Variants in PLEKHA6 observed in about 807,000 individuals in gnomAD.
PLEKHA6 encodes pleckstrin homology domain-containing family A member 6.
Under a neutral mutation model 116.7 loss-of-function variants are expected in PLEKHA6, and 60 were observed. That is an observed-to-expected ratio of 0.51 (90% CI 0.42 to 0.64). The LOEUF (loss-of-function observed/expected upper bound fraction) is 0.64, where lower values mean the gene tolerates loss of function less well. Ranked by LOEUF, PLEKHA6 falls within the 30% of genes least tolerant of loss-of-function variation. PLEKHA6 has a pLI of 0.00. For missense variants in PLEKHA6, 1,338 were observed against 1,422.7 expected, an observed-to-expected ratio of 0.94 and a Z score of 0.96; for synonymous variants, 489 against 556.1, an observed-to-expected ratio of 0.88 and a Z score of 1.70.
At chr1:204,283,395 C>A (rs1558135334) in intron 1 of PLEKHA6, among the ~76,000 whole-genome samples, 2 of 152,176 alleles carry the variant, frequency 1.3e-5, no homozygotes, top group Non-Finnish European at 2.9e-5. Flanking sequence ...GAGCAGACAA[C>A]ACAAATCTCC....
intron 1 of PLEKHA6, among the ~76,000 whole-genome samples, chr1:204,358,139 C>T (rs1389879285): frequency 6.6e-6 from 1 of 152,216 alleles, no homozygotes; most frequent in Non-Finnish European, 1.5e-5. Flanking sequence ...AGTGCTAACA[C>T]ATTTATCACC....
chr1:204,306,130 C>T (rs1671277839), intron 1 of PLEKHA6, among the ~76,000 whole-genome samples: 1 of 152,222 alleles, frequency 6.6e-6, no homozygotes, highest in African/African-American at 2.4e-5. Context: ...ATTCCTCCTC[C>T]AATGTATATC....
At chr1:204,297,762 C>T (rs546320092) in intron 1 of PLEKHA6, 4 of 362,860 alleles carry the variant, frequency 1.1e-5, no homozygotes, top group Admixed American at 6.4e-5. Flanking sequence ...CCAGAAACAT[C>T]GGAACTGAAA....
intron 1 of PLEKHA6, among the ~76,000 whole-genome samples, chr1:204,376,345 A>G (rs1411645171): frequency 6.6e-6 from 1 of 152,218 alleles, no homozygotes; most frequent in African/African-American, 2.4e-5. Flanking sequence ...CCACCTTCTT[A>G]ATAAGTTCCT....
At chr1:204,345,750 C>T (rs1033679925) in intron 1 of PLEKHA6, among the ~76,000 whole-genome samples, 2 of 152,314 alleles carry the variant, frequency 1.3e-5, no homozygotes, top group East Asian at 3.9e-4. Flanking sequence ...TTCTGCTCCC[C>T]CTGACCCCAG....
At chr1:204,281,887 C>G (rs765663977) in intron 1 of PLEKHA6, among the ~76,000 whole-genome samples, 4 of 152,174 alleles carry the variant, frequency 2.6e-5, no homozygotes, top group Non-Finnish European at 5.9e-5. Context: ...TCTGCCCAGC[C>G]ACACCGCACC....
rs1177510006 is a variant in PLEKHA6 at position 204,219,235 on chromosome 1, GTGTGTGTATA to G, written c.*3543_*3552del. On this transcript the variant is annotated 3_prime_UTR_variant, in exon 23 of 23. Transcript: ENST00000272203. ...AATAGATATACGTGTGTGTGTGTGT[GTGTGTGTATA>G]TATATATATATATATAATGTGTGTG... The G allele has an allele frequency of 2.1e-5, 3 of 145,954 alleles. No homozygotes were observed. The highest frequency in any genetic ancestry group is 8.1e-5 in the African/African-American group (3 of 37,114). 9.0% of individuals were successfully genotyped at this position (145,954 alleles called of 1,614,324 possible).
intron 1 of PLEKHA6, chr1:204,346,911 C>T (rs1572214504): frequency 7.9e-7 from 1 of 1,271,232 alleles, no homozygotes; most frequent in Non-Finnish European, 1.1e-6. Flanking sequence ...TGGCTTCTTT[C>T]TTTTTCTGAT....
intron 1 of PLEKHA6, among the ~76,000 whole-genome samples, chr1:204,346,067 AAGG>A (rs1408015271): frequency 6.6e-6 from 1 of 152,206 alleles, no homozygotes; most frequent in African/African-American, 2.4e-5. Context: ...GGATTCAGAG[AAGG>A]CCTGTTCTGC....
intron 1 of PLEKHA6, among the ~76,000 whole-genome samples, chr1:204,312,356 T>C (rs1319093969): frequency 6.6e-6 from 1 of 152,180 alleles, no homozygotes; most frequent in Non-Finnish European, 1.5e-5. Flanking sequence ...CTGGGGGTGT[T>C]CAGGCCTTCC....
rs575927446 is a variant in PLEKHA6 at position 204,257,413 on chromosome 1, A to C, written c.1464T>G (p.Ser488Arg). The change falls in exon 9 of 23, where the codon AGT (serine) becomes AGG (arginine). Residue 488 changes from serine (S) to arginine (R), a missense_variant. This residue lies in a region of PLEKHA6 where 1,136 missense variants were observed against 1,163.6 expected (regional missense o/e 0.98). Transcript: ENST00000272203. This position sits in a 1 kb window ranked among gnomAD's most constrained non-coding sequence, Gnocchi z 6.5. ...CAGCAGGGTCAGCATAGATGTCCTC[A>C]CTGCGAGGTGGCAGCCGCTCAAAAC... The part of the protein sequence containing the change: ...SARFERLPPR[S>R]EDIYADPAAY... 84 of 1,564,578 alleles carry C rather than the reference A, an allele frequency of 5.4e-5. 1 individual carries two copies. In the South Asian group the frequency reaches 9.8e-4, roughly 18 times the overall value.
chr1:204,248,397 AC>A (rs202112926), intron 12 of PLEKHA6, among the ~76,000 whole-genome samples: 1,940 of 151,726 alleles, frequency 0.013, 34 homozygotes, highest in African/African-American at 0.044. Flanking sequence ...CAGGTGATCC[AC>A]CCGCCTTGGC....
intron 1 of PLEKHA6, among the ~76,000 whole-genome samples, chr1:204,285,136 A>T (rs912017247): frequency 6.6e-6 from 1 of 152,236 alleles, no homozygotes; most frequent in Non-Finnish European, 1.5e-5. Context: ...TAGTCACAGG[A>T]CATTCCATCA....
chr1:204,331,499 A>G (rs1420405034), intron 1 of PLEKHA6, among the ~76,000 whole-genome samples: 1 of 152,158 alleles, frequency 6.6e-6, no homozygotes, highest in Non-Finnish European at 1.5e-5. Flanking sequence ...TACTGATCCC[A>G]GAGCTCTTGG....
At chr1:204,348,714 A>ACCCCCCCCCCCCCC (rs3038282) in intron 1 of PLEKHA6, among the ~76,000 whole-genome samples, 1 of 136,622 alleles carries the variant, frequency 7.3e-6, no homozygotes, top group African/African-American at 2.9e-5. Flanking sequence ...CAGGTGCCAA[A>ACCCCCCCCCCCCCC]CCCCCCCCCC....
intron 1 of PLEKHA6, among the ~76,000 whole-genome samples, chr1:204,373,462 C>T (rs1472150760): frequency 6.6e-6 from 1 of 152,140 alleles, no homozygotes; most frequent in Non-Finnish European, 1.5e-5. Context: ...TCAAGTGATC[C>T]TCCTGCCTTG....
chr1:204,290,146 A>G lies in PLEKHA6; in HGVS notation c.-94-15337T>C, dbSNP rs1170340027. ...TTTCTATGGATACAACACAGTGCCAACCAAAACCCTAGCAGATCTTTGTAA... is the reference window on the plus strand; with the variant it reads ...TTTCTATGGATACAACACAGTGCCAGCCAAAACCCTAGCAGATCTTTGTAA... On this transcript the variant is annotated intron_variant, in intron 1 of 22. Coordinates refer to ENST00000272203, the MANE Select transcript of PLEKHA6 (RefSeq NM_014935.5). Among the ~76,000 whole-genome samples, 4 of 152,236 alleles carry G rather than the reference A, an allele frequency of 2.6e-5. No individual in the cohort carries two copies. In the South Asian group the frequency reaches 8.3e-4, roughly 32 times the overall value.
At chr1:204,358,256 G>T (rs1259923420) in intron 1 of PLEKHA6, among the ~76,000 whole-genome samples, 1 of 152,202 alleles carries the variant, frequency 6.6e-6, no homozygotes, top group Non-Finnish European at 1.5e-5. Flanking sequence ...CATAAGGAAA[G>T]CCCAGTGGCA....
intron 1 of PLEKHA6, among the ~76,000 whole-genome samples, chr1:204,283,763 G>A (rs1668883211): frequency 2.0e-5 from 3 of 152,204 alleles, no homozygotes; most frequent in Admixed American, 1.3e-4. Context: ...AATATCTGTG[G>A]GCTACAGGTC....
Sources: gnomAD v4.1 joint callset for allele counts (sites outside exome capture counted in the v4.1 genomes callset) on GRCh38, gnomAD v4.1.1 for gene constraint, gnomAD v4.1.1 regional missense constraint, Gnocchi (gnomAD v3.1) non-coding constraint, MANE v1.5 for transcripts, NCBI Gene and HGNC (gene_info 2026-07-23, HGNC 2026-07-21) for gene names.